Variants in UBAP1L observed in about 807,000 individuals in gnomAD.
The protein encoded by UBAP1L is ubiquitin-associated protein 1-like.
In UBAP1L, 32 loss-of-function variants were observed where a neutral mutation model predicts 32.1. That is an observed-to-expected ratio of 1.00 (90% CI 0.75 to 1.34). The LOEUF is 1.34. Among genes scored for constraint, UBAP1L ranks in the 40% most tolerant of loss-of-function variants. The pLI is 0.00. For synonymous variants in UBAP1L, 243 were observed against 250.2 expected, an observed-to-expected ratio of 0.97 and a Z score of 0.27; for missense variants, 516 against 540.5, an observed-to-expected ratio of 0.95 and a Z score of 0.45.
intron 1 of UBAP1L, among the ~76,000 whole-genome samples, chr15:65,113,292 T>C (rs1459507154): frequency 6.6e-6 from 1 of 152,206 alleles, no homozygotes; most frequent in Non-Finnish European, 1.5e-5. Flanking sequence ...AAAATTAAAC[T>C]TCTGAAGGCT....
At chr15:65,098,648 T>C (rs534640730) in intron 4 of UBAP1L, 6 of 152,174 alleles carry the variant, frequency 3.9e-5, no homozygotes, top group Non-Finnish European at 8.8e-5. Flanking sequence ...GCTGGAGATA[T>C]GTGGCCCAGC....
intron 5 of UBAP1L, 32 bp from the exon 6 acceptor site, chr15:65,093,263 G>A: frequency 6.6e-7 from 1 of 1,514,300 alleles, no homozygotes; most frequent in African/African-American, 1.4e-5. Context: ...GGGTGCTGGG[G>A]GCTCTGCTGG....
Position 65,102,362 on chromosome 15 carries a change from A to T in UBAP1L, c.443T>A (p.Leu148Gln), listed in dbSNP as rs936617771. The T allele has an allele frequency of 4.7e-6, 7 of 1,477,256 alleles. No individual in the cohort carries two copies. In the Admixed American group the frequency reaches 1.2e-4, roughly 26 times the overall value. The allele number at this position is 1,477,256 out of a possible 1,614,324, so 91.5% of individuals were successfully genotyped here. Residue 148 changes from leucine to glutamine, a missense_variant, in exon 3 of 6, where the codon CTA becomes CAA. By Grantham distance (113) the Leu-to-Gln change is moderately radical. Transcript: ENST00000559089. This position sits in a 1 kb window ranked among gnomAD's most constrained non-coding sequence, Gnocchi z 5.0. ...PGRRLCSLDV[L>Q]RGVRLELAGA... Reference sequence around the variant, plus strand: ...TGCCAGCTCCAACCGCACGCCGCGTAGCACGTCCAGCGAGCACAGGCGACG... The same window carrying T: ...TGCCAGCTCCAACCGCACGCCGCGTTGCACGTCCAGCGAGCACAGGCGACG...
intron 1 of UBAP1L, among the ~76,000 whole-genome samples, chr15:65,109,513 T>G (rs1302697524): frequency 6.7e-6 from 1 of 149,446 alleles, no homozygotes; most frequent in Non-Finnish European, 1.5e-5. Context: ...AAACTTCCAT[T>G]CATCAGAATA....
At chr15:65,108,642 G>A (rs1416130583) in intron 1 of UBAP1L, among the ~76,000 whole-genome samples, 1 of 152,074 alleles carries the variant, frequency 6.6e-6, no homozygotes. Flanking sequence ...CTACTCGGGA[G>A]GCTGAAGTAG....
Position 65,102,199 on chromosome 15 carries a change from G to A in UBAP1L, c.606C>T (p.Pro202=), listed in dbSNP as rs1440881620. ...CGGGGGCGGCGGGGTGCTGGGGCGC[G>A]GGCCCCGGGGGTGATGCAGACCTGG... ...QSPRSASPPG[P]APQHPAAPAS... is the part of the protein sequence containing the mutation. The change falls in exon 3 of 6, where the codon CCC becomes CCT. Residue 202 remains proline (P), a synonymous_variant. Transcript: ENST00000559089. The surrounding 1 kb of genome is among the most constrained non-coding windows in gnomAD (Gnocchi z 5.0). 6 of 1,200,128 alleles carry A rather than the reference G, an allele frequency of 5.0e-6. No homozygotes were observed. Among genetic ancestry groups the A allele is most frequent in the Non-Finnish European group, 6.2e-6 (6 of 967,864 alleles). 74.3% of individuals were successfully genotyped at this position (1,200,128 alleles called of 1,614,324 possible).
At chr15:65,114,419 C>T (rs1480465593) in intron 1 of UBAP1L, among the ~76,000 whole-genome samples, 1 of 152,128 alleles carries the variant, frequency 6.6e-6, no homozygotes, top group Non-Finnish European at 1.5e-5. Context: ...ATCTACCTTC[C>T]TCATTGCCTG....
intron 1 of UBAP1L, among the ~76,000 whole-genome samples, chr15:65,109,156 C>CAAAA (rs564699668): frequency 1.4e-5 from 1 of 70,056 alleles, no homozygotes; most frequent in Non-Finnish European, 2.9e-5. Context: ...GACTCTGTCT[C>CAAAA]AAAAAAAAAA....
rs534135717 is a variant in UBAP1L at position 65,106,399 on chromosome 15, G to A, written c.-173-11C>T. 2.3e-5 allele frequency: 13 copies of A among 563,362 alleles called. No homozygotes were observed. The South Asian group carries it at 3.5e-4, about 15-fold the overall frequency. 34.9% of individuals were successfully genotyped at this position (563,362 alleles called of 1,614,324 possible). Reference sequence around the variant, plus strand: ...GTGAGGGGGCCAGTGCTGCATAAAGGAAGGAAATGAATAAAAACAAGAGCA... The same window carrying A: ...GTGAGGGGGCCAGTGCTGCATAAAGAAAGGAAATGAATAAAAACAAGAGCA... On this transcript the variant is annotated splice_polypyrimidine_tract_variant and intron_variant, in intron 1 of 5. Coordinates refer to ENST00000559089, the MANE Select transcript of UBAP1L (RefSeq NM_001163692.2).
chr15:65,109,279 C>A (rs1005838182), intron 1 of UBAP1L, among the ~76,000 whole-genome samples: 3 of 151,476 alleles, frequency 2.0e-5, no homozygotes, highest in African/African-American at 7.3e-5. Context: ...GTCAGGAGAT[C>A]GAGACCATTC....
intron 2 of UBAP1L, among the ~76,000 whole-genome samples, chr15:65,104,151 C>A (rs2087276422): frequency 6.6e-6 from 1 of 151,992 alleles, no homozygotes; most frequent in Non-Finnish European, 1.5e-5. Context: ...ACTTGGGAGG[C>A]TGAGGCAGGA....
At chr15:65,096,329 T>G (rs1016522100) in intron 4 of UBAP1L, 1 of 152,212 alleles carries the variant, frequency 6.6e-6, no homozygotes, top group Non-Finnish European at 1.5e-5. Context: ...CATTGGAATT[T>G]TTCCCTATAG....
In UBAP1L at chr15:65,102,536, G is replaced by A. The variant is rs534645693; in HGVS notation, c.269C>T (p.Ala90Val). Residue 90 changes from alanine to valine, a missense_variant, in exon 3 of 6, where the codon GCG becomes GTG. By Grantham distance (64) the Ala-to-Val change is moderately conservative (BLOSUM62 0). Transcript: ENST00000559089. The surrounding 1 kb of genome is among the most constrained non-coding windows in gnomAD (Gnocchi z 5.0). The part of the protein sequence containing the change: ...LVSPEHGLAP[A>V]PTTIRDPEAG... ...CTCCGGGTCTCTGATTGTGGTGGGC[G>A]CAGGCGCCAGCCCATGTTCGGGGCT... 4.6e-6 allele frequency: 7 copies of A among 1,513,154 alleles called. No individual in the cohort carries two copies. In the South Asian group the frequency reaches 5.0e-5, roughly 11 times the overall value. The allele number at this position is 1,513,154 out of a possible 1,614,324, so 93.7% of individuals were successfully genotyped here.
Position 65,094,605 on chromosome 15 carries a change from G to T in UBAP1L, c.910-29C>A. 1 of 1,510,836 alleles carries T rather than the reference G, an allele frequency of 6.6e-7. No individual in the cohort carries two copies. 93.6% of individuals were successfully genotyped at this position (1,510,836 alleles called of 1,614,324 possible). On this transcript the variant is annotated intron_variant, in intron 4 of 5. Coordinates refer to ENST00000559089, the MANE Select transcript of UBAP1L (RefSeq NM_001163692.2). This position sits in a 1 kb window ranked among gnomAD's most constrained non-coding sequence, Gnocchi z 4.2. ...GGCCGGAAGCGGGCAGAGAGGGAGG[G>T]AGGGTAAGAGGAGCAGCCGGGGCAG...
chr15:65,093,023 A>T lies in UBAP1L; in HGVS notation c.*74T>A. 2.0e-6 allele frequency: 3 copies of T among 1,492,148 alleles called. No individual in the cohort carries two copies. Among genetic ancestry groups the T allele is most frequent in the Non-Finnish European group, 1.8e-6 (2 of 1,124,946 alleles). The allele number at this position is 1,492,148 out of a possible 1,614,324, so 92.4% of individuals were successfully genotyped here. On this transcript the variant is annotated 3_prime_UTR_variant, in exon 6 of 6. Transcript: ENST00000559089. Reference sequence around the variant, plus strand: ...ACTTTGTTACTCTTACTTGGTTTTAATAATACAGTTAGGATGGGTTGCCAG... The same window carrying T: ...ACTTTGTTACTCTTACTTGGTTTTATTAATACAGTTAGGATGGGTTGCCAG...
At chr15:65,114,650 T>C (rs934147178) in intron 1 of UBAP1L, among the ~76,000 whole-genome samples, 1 of 152,220 alleles carries the variant, frequency 6.6e-6, no homozygotes, top group Non-Finnish European at 1.5e-5. Flanking sequence ...CCCTAGCACC[T>C]AACCACAGTA....
Position 65,102,235 on chromosome 15 carries a change from A to C in UBAP1L, c.570T>G (p.Pro190=). The change falls in exon 3 of 6, where the codon CCT becomes CCG. Residue 190 remains proline, a synonymous_variant. Transcript: ENST00000559089. The surrounding 1 kb of genome is among the most constrained non-coding windows in gnomAD (Gnocchi z 5.0). ...GTGATGCAGACCTGGGGGACTGCGC[A>C]GGGCTCGGGCACAGGCTCAGCGCGC... ...GHRALSLCPS[P]AQSPRSASPP... is the part of the protein sequence containing the mutation. 7.9e-7 allele frequency: 1 copy of C among 1,261,702 alleles called. No individual in the cohort carries two copies. The highest frequency in any genetic ancestry group is 1.0e-6 in the Non-Finnish European group (1 of 1,003,944). 78.2% of individuals were successfully genotyped at this position (1,261,702 alleles called of 1,614,324 possible).
intron 5 of UBAP1L, among the ~76,000 whole-genome samples, chr15:65,093,586 G>A (rs1185511601): frequency 1.3e-5 from 2 of 152,198 alleles, no homozygotes; most frequent in Admixed American, 1.3e-4. Flanking sequence ...CCCGTGCCCT[G>A]AACACTGTGG....
At chr15:65,101,960 C>T in intron 3 of UBAP1L, 146 bp downstream of exon 3, 1 of 346,514 alleles carries the variant, frequency 2.9e-6, no homozygotes, top group Non-Finnish European at 5.1e-6. Context: ...GAGGACAACA[C>T]GGTACAGGCC....
Sources: gnomAD v4.1 joint callset for allele counts (sites outside exome capture counted in the v4.1 genomes callset) on GRCh38, gnomAD v4.1.1 for gene constraint, Gnocchi (gnomAD v3.1) non-coding constraint, MANE v1.5 for transcripts, NCBI Gene and HGNC (gene_info 2026-07-23, HGNC 2026-07-21) for gene names.